The following CDKAL1 variants were observed in gnomAD, a reference collection of about 807,000 sequenced individuals.
The protein encoded by CDKAL1 is CDKAL1 threonylcarbamoyladenosine tRNA methylthiotransferase, also known as threonylcarbamoyladenosine tRNA methylthiotransferase.
CDKAL1 carries 32 observed loss-of-function variants against 68.2 expected under a neutral mutation model. That is an observed-to-expected ratio of 0.47 (90% CI 0.35 to 0.63). The LOEUF (loss-of-function observed/expected upper bound fraction) is 0.63, where lower values mean the gene tolerates loss of function less well. Ranked by LOEUF, CDKAL1 falls within the 30% of genes least tolerant of loss-of-function variation. The probability of loss-of-function intolerance (pLI) is 0.00; values close to 1 mark genes in which losing one functional copy is unlikely to be tolerated. For missense variants in CDKAL1, 606 were observed against 696.7 expected, an observed-to-expected ratio of 0.87 and a Z score of 1.47; for synonymous variants, 234 against 244.3, an observed-to-expected ratio of 0.96 and a Z score of 0.39.
chr6:20,733,868 G>C (rs959639286), intron 5 of CDKAL1, among the ~76,000 whole-genome samples: 12 of 151,998 alleles, frequency 7.9e-5, no homozygotes, highest in African/African-American at 2.7e-4. Context: ...TTTTGTACAG[G>C]CCGGGCATGG....
intron 11 of CDKAL1, among the ~76,000 whole-genome samples, chr6:21,030,287 T>C (rs1224186323): frequency 6.6e-6 from 1 of 151,958 alleles, no homozygotes; most frequent in Non-Finnish European, 1.5e-5. Flanking sequence ...GTTGAACACA[T>C]GGACACAGGG....
At chr6:20,832,496 G>A (rs1330171001) in intron 8 of CDKAL1, among the ~76,000 whole-genome samples, 5 of 151,020 alleles carry the variant, frequency 3.3e-5, no homozygotes, top group East Asian at 1.9e-4. Context: ...AACAAAACAC[G>A]TGAAAATAAA....
chr6:21,143,449 T>A (rs1007212521), intron 13 of CDKAL1, among the ~76,000 whole-genome samples: 1 of 152,208 alleles, frequency 6.6e-6, no homozygotes, highest in Non-Finnish European at 1.5e-5. Context: ...TTAATTTTTC[T>A]GTTGAAGAAA....
At chr6:20,681,064 G>T (rs1450272689) in intron 5 of CDKAL1, among the ~76,000 whole-genome samples, 1 of 152,204 alleles carries the variant, frequency 6.6e-6, no homozygotes, top group East Asian at 1.9e-4. Context: ...CCCAGTTTCA[G>T]TTTCATCTGT....
intron 5 of CDKAL1, among the ~76,000 whole-genome samples, chr6:20,662,942 A>C (rs1769355779): frequency 6.6e-6 from 1 of 152,160 alleles, no homozygotes; most frequent in Non-Finnish European, 1.5e-5. Flanking sequence ...CAAAGTCCAC[A>C]GTTAGGAAAT....
intron 9 of CDKAL1, among the ~76,000 whole-genome samples, chr6:20,951,810 G>A (rs985762935): frequency 4.6e-5 from 7 of 151,904 alleles, no homozygotes; most frequent in African/African-American, 1.5e-4. Context: ...CCTTGGATGC[G>A]TGAAAAAACC....
chr6:20,799,411 A>C (rs536200899), intron 8 of CDKAL1, among the ~76,000 whole-genome samples: 42 of 152,288 alleles, frequency 2.8e-4, no homozygotes, highest in African/African-American at 1.0e-3. Flanking sequence ...ACTTACCCTC[A>C]GTAATGAATG....
At chr6:20,587,874 T>A (rs1489523482) in intron 4 of CDKAL1, among the ~76,000 whole-genome samples, 3 of 152,148 alleles carry the variant, frequency 2.0e-5, no homozygotes, top group African/African-American at 7.2e-5. Context: ...GTTGGGCAGA[T>A]TGCTTGAGCC....
chr6:20,846,114 C>A lies in CDKAL1; in HGVS notation c.678C>A (p.Ala226=), dbSNP rs772381613. The A allele has an allele frequency of 2.0e-5, 33 of 1,613,088 alleles. No individual in the cohort carries two copies. The African/African-American group carries it at 3.9e-4, about 19-fold the overall frequency. The change falls in exon 9 of 16, where the codon GCC becomes GCA. Residue 226 remains alanine, a synonymous_variant. Transcript: ENST00000274695. ...GTACCTACTGCAAAACTAAACACGC[C>A]AGAGGAAATTTGGCCAGTTATCCAA... ...NACTYCKTKH[A]RGNLASYPID... is the part of the protein sequence containing the mutation.
At chr6:20,911,815 G>T (rs1482377508) in intron 9 of CDKAL1, among the ~76,000 whole-genome samples, 2 of 152,190 alleles carry the variant, frequency 1.3e-5, no homozygotes, top group Admixed American at 1.3e-4. Flanking sequence ...TTTTCACTGT[G>T]ATATTTCTAT....
intron 9 of CDKAL1, among the ~76,000 whole-genome samples, chr6:20,926,362 A>G (rs1303494023): frequency 1.3e-5 from 2 of 152,120 alleles, no homozygotes; most frequent in Non-Finnish European, 2.9e-5. Context: ...ATATTGAGAA[A>G]TCATTCTAAT....
intron 11 of CDKAL1, among the ~76,000 whole-genome samples, chr6:21,019,277 G>T (rs1414305904): frequency 5.9e-5 from 9 of 152,046 alleles, no homozygotes; most frequent in Admixed American, 4.6e-4. Flanking sequence ...GGTGGTGCTG[G>T]TTTTTTTGTT....
intron 10 of CDKAL1, among the ~76,000 whole-genome samples, chr6:20,990,197 C>T (rs567133205): frequency 1.6e-4 from 25 of 152,090 alleles, no homozygotes; most frequent in Admixed American, 4.6e-4. Context: ...GAGCCAAGAT[C>T]GCAACACTGC....
At chr6:21,147,010 C>G (rs1175789314) in intron 13 of CDKAL1, among the ~76,000 whole-genome samples, 1 of 152,070 alleles carries the variant, frequency 6.6e-6, no homozygotes, top group African/African-American at 2.4e-5. Context: ...TGTCCATGGT[C>G]CATCAGCAAT....
chr6:20,900,018 A>G (rs1761885401), intron 9 of CDKAL1, among the ~76,000 whole-genome samples: 2 of 152,200 alleles, frequency 1.3e-5, no homozygotes, highest in African/African-American at 4.8e-5. Context: ...AAAATGCTCA[A>G]TGATTAGAGA....
intron 4 of CDKAL1, among the ~76,000 whole-genome samples, chr6:20,585,242 TG>T (rs910827922): frequency 4.2e-4 from 64 of 151,714 alleles, no homozygotes; most frequent in African/African-American, 1.4e-3. Flanking sequence ...TTAGTAGAGA[TG>T]GGGTTTCACC....
intron 9 of CDKAL1, among the ~76,000 whole-genome samples, chr6:20,954,846 G>A (rs1007821142): frequency 2.0e-5 from 3 of 152,152 alleles, no homozygotes; most frequent in Non-Finnish European, 4.4e-5. Flanking sequence ...ACTCAGTTTA[G>A]GCAGCAACCA....
chr6:20,996,125 A>G (rs77318692), intron 10 of CDKAL1, among the ~76,000 whole-genome samples: 9,495 of 152,312 alleles, frequency 0.062, 415 homozygotes, highest in East Asian at 0.19. Flanking sequence ...ATAGAATTGA[A>G]GAGAGTTAGG....
At chr6:21,196,923 C>T (rs973621875) in intron 13 of CDKAL1, among the ~76,000 whole-genome samples, 7 of 152,002 alleles carry the variant, frequency 4.6e-5, no homozygotes, top group South Asian at 4.2e-4. Context: ...TTTGGGATGC[C>T]GAGGCAGGCG....
Sources: gnomAD v4.1 joint callset for allele counts (sites outside exome capture counted in the v4.1 genomes callset) on GRCh38, gnomAD v4.1.1 for gene constraint, MANE v1.5 for transcripts, NCBI Gene and HGNC (gene_info 2026-07-23, HGNC 2026-07-21) for gene names.